The following C2CD3 variants were observed in gnomAD, a reference collection of about 807,000 sequenced individuals.
The protein encoded by C2CD3 is C2 domain containing 3 centriole elongation regulator.
Under a neutral mutation model 234.0 loss-of-function variants are expected in C2CD3, and 148 were observed. The ratio of observed to expected loss-of-function variants is 0.63; its 90% CI spans 0.55 to 0.72. The LOEUF (loss-of-function observed/expected upper bound fraction) is 0.72, where lower values mean the gene tolerates loss of function less well. Ranked by LOEUF, C2CD3 falls within the 30% of genes least tolerant of loss-of-function variation. C2CD3 has a pLI of 0.00. For missense variants in C2CD3, 2,577 were observed against 2,811.5 expected, an observed-to-expected ratio of 0.92 and a Z score of 1.89; for synonymous variants, 1,000 against 1,035.4, an observed-to-expected ratio of 0.97 and a Z score of 0.66.
In C2CD3 at chr11:74,145,077, A is replaced by G. The variant is rs1401105597; in HGVS notation, c.484-5249T>C. 2.0e-5 allele frequency among the ~76,000 whole-genome samples: 3 copies of G among 152,308 alleles called. No homozygotes were observed. In the East Asian group the frequency reaches 5.8e-4, roughly 29 times the overall value. ...GATCACTTTACTGGCAAATTCTTACAATACTCAGTAGTGGGACTGCTGGGT... is the reference window on the plus strand; with the variant it reads ...GATCACTTTACTGGCAAATTCTTACGATACTCAGTAGTGGGACTGCTGGGT... On this transcript the variant is annotated intron_variant, in intron 3 of 32. Coordinates refer to ENST00000334126, the MANE Select transcript of C2CD3 (RefSeq NM_001286577.2).
At chr11:74,041,893 G>C (rs185917171) in intron 29 of C2CD3, among the ~76,000 whole-genome samples, 161 bp downstream of exon 29, 297 of 152,304 alleles carry the variant, frequency 2.0e-3, no homozygotes, top group Middle Eastern at 6.8e-3. Context: ...GGAATCCCAT[G>C]AGGCTCCAGG....
Position 74,093,974 on chromosome 11 carries a change from A to G in C2CD3, c.3186T>C (p.Thr1062=). ...ENGITLKPFR[T]ATTLCVPDPI... is the part of the protein sequence containing the mutation. ...GATCTGGAACACAGAGTGTGGTTGC[A>G]GTTCTGAAGGGCTTCAGAGTAATTC... The change falls in exon 18 of 33, where the codon ACT becomes ACC. Residue 1062 remains threonine (T), a synonymous_variant. Coordinates refer to ENST00000334126, the MANE Select transcript of C2CD3 (RefSeq NM_001286577.2). 1 of 1,613,884 alleles carries G rather than the reference A, an allele frequency of 6.2e-7. No individual in the cohort carries two copies. Among genetic ancestry groups the G allele is most frequent in the East Asian group, 2.2e-5 (1 of 44,878 alleles).
intron 11 of C2CD3, chr11:74,113,508 G>C: frequency 2.6e-6 from 1 of 385,190 alleles, no homozygotes; most frequent in East Asian, 6.2e-5. Flanking sequence ...GTGAAACCCT[G>C]TCTCTACTAA....
chr11:74,085,382 C>A, intron 21 of C2CD3: 2 of 506,486 alleles, frequency 3.9e-6, no homozygotes, highest in Non-Finnish European at 3.5e-6. Context: ...TCCTACACAC[C>A]CTTCATCTCG....
chr11:74,123,377 C>G (rs1565320820), intron 7 of C2CD3, among the ~76,000 whole-genome samples: 2 of 152,100 alleles, frequency 1.3e-5, no homozygotes, highest in Non-Finnish European at 2.9e-5. Flanking sequence ...TTCATGTATT[C>G]AACAAACATT....
At position 74,037,489 on chromosome 11, in the gene C2CD3, G is replaced by T. The variant is rs1418517920; in HGVS notation, c.5870C>A (p.Ser1957Tyr). ...KSSNLVLQVSSLITDLQTITR... is the reference protein window; with the variant it reads ...KSSNLVLQVSYLITDLQTITR... ...GATCTGAGTCATACCTGTGATTAAG[G>T]AGCTGACTTGCAACACCAGGTTACT... The change falls in exon 30 of 33, where the codon TCC (serine) becomes TAC (tyrosine). Residue 1957 changes from serine (S) to tyrosine (Y), a missense_variant. Ser to Tyr is a moderately radical substitution (Grantham distance 144). Coordinates refer to ENST00000334126, the MANE Select transcript of C2CD3 (RefSeq NM_001286577.2). 6.2e-7 allele frequency: 1 copy of T among 1,613,228 alleles called. No homozygotes were observed. Among genetic ancestry groups the T allele is most frequent in the Non-Finnish European group, 8.5e-7 (1 of 1,179,312 alleles).
chr11:74,050,572 C>T (rs1273758749), intron 26 of C2CD3, among the ~76,000 whole-genome samples: 2 of 152,176 alleles, frequency 1.3e-5, no homozygotes, highest in African/African-American at 2.4e-5. Flanking sequence ...ATCTACCAAA[C>T]ACTGATACAA....
intron 9 of C2CD3, 24 bp downstream of exon 9, chr11:74,118,204 A>G: frequency 6.3e-7 from 1 of 1,597,474 alleles, no homozygotes; most frequent in Non-Finnish European, 8.5e-7. Context: ...GTTTACCTTT[A>G]AATAAACAGT....
intron 3 of C2CD3, among the ~76,000 whole-genome samples, chr11:74,154,008 C>T (rs981293405): frequency 2.0e-5 from 3 of 150,636 alleles, no homozygotes; most frequent in African/African-American, 4.9e-5. Flanking sequence ...CAAGAAGATA[C>T]AATTATAGAA....
At chr11:74,142,104 C>T (rs956359943) in intron 3 of C2CD3, 1 of 152,188 alleles carries the variant, frequency 6.6e-6, no homozygotes, top group Non-Finnish European at 1.5e-5. Context: ...TTCCATTTCT[C>T]TATCGGCCAG....
chr11:74,075,131 T>C (rs1954977200), intron 23 of C2CD3, among the ~76,000 whole-genome samples: 1 of 151,986 alleles, frequency 6.6e-6, no homozygotes, highest in South Asian at 2.1e-4. Flanking sequence ...ATGAAAATAG[T>C]AAGATCTCTG....
At chr11:74,134,804 C>T (rs191939529) in intron 5 of C2CD3, among the ~76,000 whole-genome samples, 2 of 152,294 alleles carry the variant, frequency 1.3e-5, no homozygotes, top group East Asian at 1.9e-4. Flanking sequence ...AAGTTCGCTA[C>T]AGCCTCGAAC....
At chr11:74,155,653 T>A (rs192050703) in intron 3 of C2CD3, among the ~76,000 whole-genome samples, 1 of 152,180 alleles carries the variant, frequency 6.6e-6, no homozygotes, top group Non-Finnish European at 1.5e-5. Context: ...AGGCCACATA[T>A]ATTATTCCAT....
intron 9 of C2CD3, among the ~76,000 whole-genome samples, chr11:74,117,004 A>G (rs530961580): frequency 1.9e-4 from 24 of 124,270 alleles, no homozygotes; most frequent in Admixed American, 3.3e-4. Flanking sequence ...GTGTATATGT[A>G]TATATACACA....
At chr11:74,019,472 A>T (rs571885347) in intron 32 of C2CD3, among the ~76,000 whole-genome samples, 1 of 152,334 alleles carries the variant, frequency 6.6e-6, no homozygotes, top group South Asian at 2.1e-4. Context: ...TGGTTTAATG[A>T]AATGAGGCAA....
At position 74,170,793 on chromosome 11, in the gene C2CD3, G is replaced by C. The variant is rs1857151597; in HGVS notation, c.-1C>G. On this transcript the variant is annotated 5_prime_UTR_variant, in exon 1 of 33. The change creates a new upstream start codon in the 5' untranslated region. Coordinates refer to ENST00000334126, the MANE Select transcript of C2CD3 (RefSeq NM_001286577.2). ...ACCCTTGGCCTTTTCGTTGTTTCAT[G>C]ATGAGCCCGAGCTCTTCTTCACCAG... The C allele has an allele frequency of 2.5e-6, 4 of 1,614,128 alleles. No individual in the cohort carries two copies. The highest frequency in any genetic ancestry group is 3.4e-6 in the Non-Finnish European group (4 of 1,180,018).
intron 31 of C2CD3, among the ~76,000 whole-genome samples, chr11:74,029,544 C>G (rs921047927): frequency 6.6e-6 from 1 of 152,246 alleles, no homozygotes; most frequent in African/African-American, 2.4e-5. Flanking sequence ...TGACTCCAGG[C>G]CTTCTGCAGA....
chr11:74,034,886 A>G (rs1952666613), intron 30 of C2CD3, among the ~76,000 whole-genome samples: 1 of 152,226 alleles, frequency 6.6e-6, no homozygotes, highest in Admixed American at 6.5e-5. Context: ...GTACAGTGTA[A>G]TCAACACCAC....
intron 2 of C2CD3, among the ~76,000 whole-genome samples, chr11:74,167,513 G>A (rs942135595): frequency 2.0e-5 from 3 of 152,178 alleles, no homozygotes; most frequent in Non-Finnish European, 4.4e-5. Context: ...TACAGCATTT[G>A]TTCTTTACAT....
Sources: allele counts gnomAD v4.1 joint callset (sites outside exome capture counted in the v4.1 genomes callset), GRCh38; gene constraint gnomAD v4.1.1; transcripts MANE v1.5; gene names NCBI Gene and HGNC (gene_info 2026-07-23, HGNC 2026-07-21).